SGCZ: variants seen among roughly 807,000 people sequenced by gnomAD.
SGCZ encodes the protein sarcoglycan zeta.
SGCZ carries 40 observed loss-of-function variants against 41.3 expected under a neutral mutation model. The ratio of observed to expected loss-of-function variants is 0.97; its 90% CI spans 0.75 to 1.26. SGCZ has a LOEUF of 1.26. SGCZ is among the 50% of genes most tolerant of loss of function. SGCZ has a pLI of 0.00. For missense variants in SGCZ, 552 were observed against 369.8 expected, an observed-to-expected ratio of 1.49 and a Z score of -4.04; for synonymous variants, 206 against 137.5, an observed-to-expected ratio of 1.50 and a Z score of -3.49.
intron 1 of SGCZ, among the ~76,000 whole-genome samples, chr8:14,866,932 A>T (rs901477654): frequency 3.3e-5 from 5 of 152,156 alleles, no homozygotes; most frequent in African/African-American, 1.2e-4. Context: ...AGTTTCTGAG[A>T]GAGCACGCTG....
intron 2 of SGCZ, among the ~76,000 whole-genome samples, chr8:14,416,110 A>C (rs10104776): frequency 0.022 from 3,389 of 152,092 alleles, 98 homozygotes; most frequent in African/African-American, 0.061. Flanking sequence ...AAAAATAAGC[A>C]GAGGTGCTGG....
At chr8:14,316,812 GACACACACACACACACACACACACACAC>G (rs55956388) in intron 3 of SGCZ, among the ~76,000 whole-genome samples, 1 of 142,394 alleles carries the variant, frequency 7.0e-6, no homozygotes, top group Non-Finnish European at 1.5e-5. Flanking sequence ...ATTTATTATA[GACACACACACACACACACACACACACAC>G]ACACACACAC....
chr8:14,256,086 T>C (rs1799454910), intron 3 of SGCZ, among the ~76,000 whole-genome samples: 1 of 152,114 alleles, frequency 6.6e-6, no homozygotes, highest in Admixed American at 6.6e-5. Context: ...ACCTACTTTG[T>C]TTAATAGATA....
intron 1 of SGCZ, among the ~76,000 whole-genome samples, chr8:15,154,684 T>A (rs1251514484): frequency 6.6e-6 from 1 of 152,180 alleles, no homozygotes; most frequent in East Asian, 1.9e-4. Flanking sequence ...TCAGAAACCA[T>A]TTGAAGAGGG....
chr8:14,958,663 C>A (rs1355144632), intron 1 of SGCZ, among the ~76,000 whole-genome samples: 1 of 151,888 alleles, frequency 6.6e-6, no homozygotes, highest in Non-Finnish European at 1.5e-5. Flanking sequence ...TGCATTTGCA[C>A]AAACTCAGAA....
intron 1 of SGCZ, among the ~76,000 whole-genome samples, chr8:14,788,588 T>C (rs1472074313): frequency 6.6e-6 from 1 of 152,130 alleles, no homozygotes; most frequent in Non-Finnish European, 1.5e-5. Context: ...AATACCAATC[T>C]CACATAGTGG....
At chr8:14,984,440 T>G (rs1801765163) in intron 1 of SGCZ, among the ~76,000 whole-genome samples, 1 of 152,194 alleles carries the variant, frequency 6.6e-6, no homozygotes, top group Admixed American at 6.6e-5. Flanking sequence ...TAGAGATTAT[T>G]TTTATGTCTC....
intron 1 of SGCZ, among the ~76,000 whole-genome samples, chr8:15,025,286 A>C (rs1351720858): frequency 1.3e-5 from 2 of 152,172 alleles, no homozygotes; most frequent in African/African-American, 4.8e-5. Context: ...TTGAGAGAGA[A>C]GTGCTGTATT....
At chr8:15,012,547 A>AATATTTATATGTAACATATAAATAT (rs1563435909) in intron 1 of SGCZ, among the ~76,000 whole-genome samples, 7 of 98,764 alleles carry the variant, frequency 7.1e-5, no homozygotes, top group East Asian at 3.4e-4. Context: ...TAAAAATATG[A>AATATTTATATGTAACATATAAATAT]ATATTTATAT....
chr8:15,036,896 G>C (rs1217043497), intron 1 of SGCZ, among the ~76,000 whole-genome samples: 1 of 152,056 alleles, frequency 6.6e-6, no homozygotes, highest in African/African-American at 2.4e-5. Flanking sequence ...CATTCACTAT[G>C]ATCAAGTAGG....
At chr8:14,377,726 A>G (rs1431360236) in intron 2 of SGCZ, among the ~76,000 whole-genome samples, 2 of 143,186 alleles carry the variant, frequency 1.4e-5, no homozygotes, top group Non-Finnish European at 3.0e-5. Flanking sequence ...TCCCTTTCCT[A>G]TGTCCATGTG....
intron 3 of SGCZ, among the ~76,000 whole-genome samples, chr8:14,279,057 T>C (rs200093815): frequency 6.6e-6 from 1 of 152,076 alleles, no homozygotes; most frequent in Non-Finnish European, 1.5e-5. Flanking sequence ...TAGGAAGATA[T>C]TGTGCCACTT....
chr8:14,325,087 T>G (rs1268697817), intron 2 of SGCZ, among the ~76,000 whole-genome samples: 1 of 152,142 alleles, frequency 6.6e-6, no homozygotes, highest in Non-Finnish European at 1.5e-5. Context: ...GAGAATGTAC[T>G]TAAGTCAGAT....
chr8:14,567,734 G>A lies in SGCZ; in HGVS notation c.40-12808C>T, dbSNP rs533740729. On this transcript the variant is annotated intron_variant, in intron 1 of 7. Coordinates refer to ENST00000382080, the MANE Select transcript of SGCZ (RefSeq NM_139167.4). The stretch of plus-strand genomic sequence containing the variant: ...GTCTTTATGAGCTGTAACACTCACC[G>A]TGAAGGTCTGCAGCTTCACTCCTGA... Among the ~76,000 whole-genome samples the A allele has an allele frequency of 3.3e-5, 5 of 152,182 alleles. No homozygotes were observed. The East Asian group carries it at 5.8e-4, about 18-fold the overall frequency.
intron 1 of SGCZ, among the ~76,000 whole-genome samples, chr8:14,798,289 G>A (rs1391681683): frequency 2.6e-5 from 4 of 152,062 alleles, no homozygotes; most frequent in Admixed American, 2.6e-4. Context: ...TTTCTAACAG[G>A]AATTTGGAAG....
At chr8:15,197,772 A>G (rs1563179141) in intron 1 of SGCZ, among the ~76,000 whole-genome samples, 1 of 152,122 alleles carries the variant, frequency 6.6e-6, no homozygotes, top group Non-Finnish European at 1.5e-5. Context: ...TTCCTTCAAT[A>G]TAAATATTAT....
intron 2 of SGCZ, among the ~76,000 whole-genome samples, chr8:14,404,803 T>G (rs981270406): frequency 2.6e-5 from 4 of 152,172 alleles, no homozygotes; most frequent in Admixed American, 6.6e-5. Flanking sequence ...GCAAATTACA[T>G]CGTCTAGGCT....
At position 15,236,416 on chromosome 8, in the gene SGCZ, C is replaced by G. The variant is rs926420454; in HGVS notation, c.39+1169G>C. Among the ~76,000 whole-genome samples the G allele has an allele frequency of 4.0e-5, 6 of 151,274 alleles. No individual in the cohort carries two copies. The South Asian group carries it at 8.3e-4, about 21-fold the overall frequency. On this transcript the variant is annotated intron_variant, in intron 1 of 7. Transcript: ENST00000382080. ...TTCCTTGACATTTCAGGGCAAACCTCTATTCGTCGTTTCTCCAGCGGGTGG... is the reference window on the plus strand; with the variant it reads ...TTCCTTGACATTTCAGGGCAAACCTGTATTCGTCGTTTCTCCAGCGGGTGG...
chr8:14,135,168 A>G lies in SGCZ; in HGVS notation c.548-26933T>C, dbSNP rs557016107. Among the ~76,000 whole-genome samples, 7 of 152,350 alleles carry G rather than the reference A, an allele frequency of 4.6e-5. No homozygotes were observed. In the South Asian group the frequency reaches 1.4e-3, roughly 32 times the overall value. On this transcript the variant is annotated intron_variant, in intron 5 of 7. Coordinates refer to ENST00000382080, the MANE Select transcript of SGCZ (RefSeq NM_139167.4). ...TCTACTGTGTTTCCTAGAATATAAT[A>G]GAGTACTAGGCATATAGTGGGTATT...
Sources: gnomAD v4.1 joint callset for allele counts (sites outside exome capture counted in the v4.1 genomes callset) on GRCh38, gnomAD v4.1.1 for gene constraint, MANE v1.5 for transcripts, NCBI Gene and HGNC (gene_info 2026-07-23, HGNC 2026-07-21) for gene names.